The following CC2D2A variants were observed in gnomAD, a reference collection of about 807,000 sequenced individuals.
The protein encoded by CC2D2A is coiled-coil and C2 domain-containing protein 2A.
CC2D2A carries 155 observed loss-of-function variants against 212.9 expected under a neutral mutation model. The observed-to-expected ratio is 0.73, with a 90% CI of 0.64 to 0.83. The LOEUF is 0.83. Ranked by LOEUF, CC2D2A falls within the 40% of genes least tolerant of loss-of-function variation. The probability of loss-of-function intolerance (pLI) is 0.00; values close to 1 mark genes in which losing one functional copy is unlikely to be tolerated. For missense variants in CC2D2A, 1,856 were observed against 1,956.2 expected, an observed-to-expected ratio of 0.95 and a Z score of 0.97; for synonymous variants, 667 against 686.5, an observed-to-expected ratio of 0.97 and a Z score of 0.44.
intron 3 of CC2D2A, among the ~76,000 whole-genome samples, chr4:15,480,458 A>C (rs768873176): frequency 1.3e-5 from 2 of 152,224 alleles, no homozygotes; most frequent in Non-Finnish European, 2.9e-5. Context: ...TTACCTAGAA[A>C]AAGTGAAAAT....
At chr4:15,570,639 G>A in intron 28 of CC2D2A, 143 bp downstream of exon 28, 3 of 535,782 alleles carry the variant, frequency 5.6e-6, no homozygotes, top group South Asian at 4.4e-5. Context: ...CACATCATCT[G>A]AGGTCAGGAG....
intron 17 of CC2D2A, among the ~76,000 whole-genome samples, chr4:15,545,959 A>G (rs1318506943): frequency 6.6e-6 from 1 of 152,044 alleles, no homozygotes; most frequent in Non-Finnish European, 1.5e-5. Context: ...AATTTTAAAA[A>G]ATTAGCTGGG....
chr4:15,510,280 G>A, intron 7 of CC2D2A, 40 bp downstream of exon 7: 2 of 1,556,252 alleles, frequency 1.3e-6, no homozygotes, highest in Non-Finnish European at 1.8e-6. Flanking sequence ...GTTTGTTTGT[G>A]TTTTTTACAA....
At chr4:15,470,264 G>T (rs1175732415) in intron 1 of CC2D2A, among the ~76,000 whole-genome samples, 1 of 152,140 alleles carries the variant, frequency 6.6e-6, no homozygotes, top group African/African-American at 2.4e-5. Context: ...CTGCTATCTG[G>T]TATCTGGTTT....
intron 4 of CC2D2A, among the ~76,000 whole-genome samples, chr4:15,494,404 G>GA (rs1233564984): frequency 6.6e-6 from 1 of 152,096 alleles, no homozygotes; most frequent in Non-Finnish European, 1.5e-5. Flanking sequence ...GGGAGAACTA[G>GA]AAAAAAAGAT....
intron 4 of CC2D2A, among the ~76,000 whole-genome samples, chr4:15,487,626 G>C (rs1715069558): frequency 6.6e-6 from 1 of 151,752 alleles, no homozygotes; most frequent in Non-Finnish European, 1.5e-5. Flanking sequence ...CTTTTGATGG[G>C]AGAATTTAGT....
chr4:15,534,382 CCT>C (rs1419796123), intron 14 of CC2D2A, among the ~76,000 whole-genome samples: 3 of 152,008 alleles, frequency 2.0e-5, no homozygotes, highest in African/African-American at 7.3e-5. Context: ...AAATGCTTCC[CCT>C]GAGTCATATA....
At chr4:15,545,691 C>A (rs73125606) in intron 17 of CC2D2A, among the ~76,000 whole-genome samples, 40,515 of 151,290 alleles carry the variant, frequency 0.27, 5,628 homozygotes, top group East Asian at 0.46. Flanking sequence ...AGGGGATGGG[C>A]TCAGGGCCTG....
At chr4:15,563,238 G>A in intron 23 of CC2D2A, 117 bp from the exon 24 acceptor site, 1 of 957,254 alleles carries the variant, frequency 1.0e-6, no homozygotes, top group Non-Finnish European at 1.5e-6. Context: ...ACCTTCAAAG[G>A]ACAAGGAGTT....
At chr4:15,490,958 G>A (rs1021280489) in intron 4 of CC2D2A, among the ~76,000 whole-genome samples, 3 of 152,012 alleles carry the variant, frequency 2.0e-5, no homozygotes, top group Non-Finnish European at 4.4e-5. Flanking sequence ...CACACGGACC[G>A]CCTTAGAGTT....
At chr4:15,512,681 C>T (rs747133887) in intron 8 of CC2D2A, among the ~76,000 whole-genome samples, 1 of 151,990 alleles carries the variant, frequency 6.6e-6, no homozygotes, top group African/African-American at 2.4e-5. Flanking sequence ...TAAAATGGGC[C>T]GGGTGCGGTG....
chr4:15,521,436 C>A (rs1234683698), intron 11 of CC2D2A, among the ~76,000 whole-genome samples: 2 of 151,644 alleles, frequency 1.3e-5, no homozygotes, highest in African/African-American at 4.9e-5. Context: ...TGTCTCTTGC[C>A]AAAAATAGCT....
At chr4:15,593,768 C>A (rs964887080) in intron 33 of CC2D2A, among the ~76,000 whole-genome samples, 4 of 152,180 alleles carry the variant, frequency 2.6e-5, no homozygotes, top group African/African-American at 9.7e-5. Flanking sequence ...CCACATCTCT[C>A]CACTTTTACT....
At position 15,580,078 on chromosome 4, in the gene CC2D2A, C is replaced by T. The variant is rs775502280; in HGVS notation, c.3882C>T (p.Ser1294=). Residue 1294 remains serine (S), a synonymous_variant, in exon 30 of 37, where the codon AGC becomes AGT. Transcript: ENST00000424120. ...GCCTTACAACAGTAATTGATATAAGCGGAAAAACTGTTTTTATCACACGTT... is the reference window on the plus strand; with the variant it reads ...GCCTTACAACAGTAATTGATATAAGTGGAAAAACTGTTTTTATCACACGTT... ...RQCLTTVIDI[S]GKTVFITRYL... is the part of the protein sequence containing the mutation. 15 of 1,613,882 alleles carry T rather than the reference C, an allele frequency of 9.3e-6. No individual in the cohort carries two copies. The highest frequency in any genetic ancestry group is 2.2e-5 in the South Asian group (2 of 91,084).
At chr4:15,557,239 G>A (rs558207631) in intron 20 of CC2D2A, 65 bp from the exon 21 acceptor site, 2 of 1,098,846 alleles carry the variant, frequency 1.8e-6, no homozygotes, top group Admixed American at 2.2e-5. Flanking sequence ...TTGACACTCA[G>A]TGCCAAGTTT....
At chr4:15,508,516 T>C (rs1199184717) in intron 6 of CC2D2A, among the ~76,000 whole-genome samples, 3 of 152,206 alleles carry the variant, frequency 2.0e-5, no homozygotes, top group Non-Finnish European at 2.9e-5. Context: ...TACATTTCCT[T>C]ATTTGATGCT....
intron 30 of CC2D2A, among the ~76,000 whole-genome samples, chr4:15,581,660 G>A (rs1409466834): frequency 6.6e-6 from 1 of 152,152 alleles, no homozygotes; most frequent in African/African-American, 2.4e-5. Context: ...TCTCAGTCTT[G>A]ACTTTGGATG....
chr4:15,586,623 T>C (rs1271602979), intron 31 of CC2D2A, among the ~76,000 whole-genome samples: 1 of 152,202 alleles, frequency 6.6e-6, no homozygotes, highest in Non-Finnish European at 1.5e-5. Context: ...CAAATTATTA[T>C]TTATTCAGTA....
At chr4:15,500,215 A>G (rs1715868613) in intron 4 of CC2D2A, among the ~76,000 whole-genome samples, 1 of 151,680 alleles carries the variant, frequency 6.6e-6, no homozygotes, top group African/African-American at 2.4e-5. Context: ...TGCAAAGCCA[A>G]TATCAGGTGC....
Sources: allele counts gnomAD v4.1 joint callset (sites outside exome capture counted in the v4.1 genomes callset), GRCh38; gene constraint gnomAD v4.1.1; transcripts MANE v1.5; gene names NCBI Gene and HGNC (gene_info 2026-07-23, HGNC 2026-07-21).